The following ANO2 variants were observed in gnomAD, a reference collection of about 807,000 sequenced individuals.
ANO2 encodes the protein anoctamin 2.
In ANO2, 101 loss-of-function variants were observed where a neutral mutation model predicts 124.2. That is an observed-to-expected ratio of 0.81 (90% CI 0.69 to 0.96). The LOEUF is 0.96. ANO2 is among the 40% of genes least tolerant of loss of function. The pLI is 0.00. For synonymous variants in ANO2, 486 were observed against 482.5 expected, an observed-to-expected ratio of 1.01 and a Z score of -0.09; for missense variants, 1,293 against 1,274.5, an observed-to-expected ratio of 1.01 and a Z score of -0.22.
At chr12:5,726,312 T>A (rs1303924510) in intron 14 of ANO2, among the ~76,000 whole-genome samples, 1 of 152,186 alleles carries the variant, frequency 6.6e-6, no homozygotes, top group Non-Finnish European at 1.5e-5. Flanking sequence ...AAATAGAACA[T>A]CACCCCACTA....
intron 10 of ANO2, among the ~76,000 whole-genome samples, chr12:5,763,360 G>T (rs1951792820): frequency 6.6e-6 from 1 of 151,982 alleles, no homozygotes; most frequent in Non-Finnish European, 1.5e-5. Flanking sequence ...AATGCTATTA[G>T]TCATAATTTT....
chr12:5,775,202 T>A (rs1037441230), intron 10 of ANO2, among the ~76,000 whole-genome samples: 14 of 152,212 alleles, frequency 9.2e-5, no homozygotes, highest in African/African-American at 3.1e-4. Context: ...TTCTTTCCAC[T>A]GCTAATTTCA....
Position 5,912,800 on chromosome 12 carries a change from A to G in ANO2, c.534+8240T>C, listed in dbSNP as rs115909504. 7.6e-3 allele frequency among the ~76,000 whole-genome samples: 1,154 copies of G among 152,342 alleles called. 14 individuals are homozygous for G. Among genetic ancestry groups the G allele is most frequent in the African/African-American group, 0.026 (1,091 of 41,568 alleles). On this transcript the variant is annotated intron_variant, in intron 3 of 24. Coordinates refer to ENST00000682330, the MANE Select transcript of ANO2 (RefSeq NM_001364791.2). The stretch of plus-strand genomic sequence containing the variant: ...ACAAGCAGGACAGGAACACAGCCAA[A>G]GCCAGAGGGAAATCATCGCATCTTC...
At chr12:5,836,596 T>A (rs1223660142) in intron 4 of ANO2, among the ~76,000 whole-genome samples, 3 of 152,088 alleles carry the variant, frequency 2.0e-5, no homozygotes, top group African/African-American at 7.2e-5. Context: ...AGACCAAAAC[T>A]CTTAACACAT....
chr12:5,669,030 C>T (rs183953909), intron 14 of ANO2, among the ~76,000 whole-genome samples: 15,321 of 151,482 alleles, frequency 0.1, 1,016 homozygotes, highest in African/African-American at 0.18. Context: ...GTTATACAAG[C>T]TCTTTTTTTA....
chr12:5,795,139 C>T (rs11610212), intron 10 of ANO2, among the ~76,000 whole-genome samples: 5,409 of 152,320 alleles, frequency 0.036, 113 homozygotes, highest in African/African-American at 0.048. Context: ...TGACCTGTGC[C>T]TTGCAGTAGG....
intron 14 of ANO2, among the ~76,000 whole-genome samples, chr12:5,691,062 GC>G (rs1462246602): frequency 6.6e-6 from 1 of 152,126 alleles, no homozygotes; most frequent in Non-Finnish European, 1.5e-5. Flanking sequence ...AGGTGCGGTG[GC>G]TCACGCCTGT....
chr12:5,727,292 T>C (rs935732020), intron 14 of ANO2, among the ~76,000 whole-genome samples: 4 of 152,084 alleles, frequency 2.6e-5, no homozygotes, highest in Non-Finnish European at 5.9e-5. Flanking sequence ...GCTTTCAGTA[T>C]GTGACGTGCC....
chr12:5,806,028 G>A (rs1166490617), intron 9 of ANO2, 24 bp downstream of exon 9: 1 of 1,612,484 alleles, frequency 6.2e-7, no homozygotes, highest in Non-Finnish European at 8.5e-7. Context: ...CCAAAGTCCA[G>A]GATGCTGCAC....
At chr12:5,938,092 T>G (rs1283941165) in intron 1 of ANO2, among the ~76,000 whole-genome samples, 1 of 152,218 alleles carries the variant, frequency 6.6e-6, no homozygotes, top group Non-Finnish European at 1.5e-5. Flanking sequence ...AGCCTCACTC[T>G]TAGCCAAGGA....
chr12:5,883,239 C>G (rs543588985), intron 3 of ANO2, among the ~76,000 whole-genome samples: 2 of 152,300 alleles, frequency 1.3e-5, no homozygotes, highest in East Asian at 3.9e-4. Flanking sequence ...AGCATACACC[C>G]CCTCCATTAG....
intron 14 of ANO2, among the ~76,000 whole-genome samples, chr12:5,701,674 T>G (rs150137770): frequency 1.1e-3 from 163 of 152,334 alleles, no homozygotes; most frequent in African/African-American, 3.4e-3. Context: ...GTGACTGATC[T>G]CTCCAGCTTT....
intron 14 of ANO2, among the ~76,000 whole-genome samples, chr12:5,681,213 C>T (rs1325403321): frequency 2.6e-5 from 4 of 152,128 alleles, no homozygotes; most frequent in Non-Finnish European, 5.9e-5. Context: ...AAGTCTGGGC[C>T]GAAAACAGCT....
intron 19 of ANO2, among the ~76,000 whole-genome samples, chr12:5,605,297 C>A (rs577288771): frequency 2.6e-5 from 4 of 152,272 alleles, no homozygotes; most frequent in African/African-American, 9.6e-5. Context: ...ACCTCCCTCC[C>A]GTGTTGGCTT....
At chr12:5,723,147 C>T (rs931405788) in intron 14 of ANO2, among the ~76,000 whole-genome samples, 4 of 152,100 alleles carry the variant, frequency 2.6e-5, no homozygotes, top group Non-Finnish European at 4.4e-5. Context: ...AGCAATTCTC[C>T]GGAGGTGGTA....
Position 5,584,139 on chromosome 12 carries a change from C to CCG in ANO2, c.2234-5622_2234-5621insCG, listed in dbSNP as rs1555088599. 269 of 162,058 alleles carry CCG rather than the reference C, an allele frequency of 1.7e-3. 1 individual carries two copies. Among genetic ancestry groups the CCG allele is most frequent in the Middle Eastern group, 5.2e-3 (4 of 766 alleles). The allele number at this position is 162,058 out of a possible 1,614,324, so 10.0% of individuals were successfully genotyped here. On this transcript the variant is annotated intron_variant, in intron 20 of 24. Transcript: ENST00000682330. Reference sequence around the variant, plus strand: ...TCCTTAATTTAATGAACACCCCCCCCCCGCCGCAAGAATATTAATGTTGAT... The same window carrying CCG: ...TCCTTAATTTAATGAACACCCCCCCCCGCCGCCGCAAGAATATTAATGTTGAT...
intron 1 of ANO2, among the ~76,000 whole-genome samples, chr12:5,923,756 G>T (rs1039023321): frequency 1.3e-5 from 2 of 152,174 alleles, no homozygotes; most frequent in African/African-American, 4.8e-5. Context: ...TAGTCCAGCT[G>T]CACTTTGTAC....
At chr12:5,605,266 C>T (rs1944161641) in intron 19 of ANO2, among the ~76,000 whole-genome samples, 1 of 152,168 alleles carries the variant, frequency 6.6e-6, no homozygotes, top group Non-Finnish European at 1.5e-5. Context: ...CCAGATTCCA[C>T]TGTATTTGAG....
chr12:5,707,552 G>A (rs1343847358), intron 14 of ANO2, among the ~76,000 whole-genome samples: 2 of 152,124 alleles, frequency 1.3e-5, no homozygotes, highest in Non-Finnish European at 2.9e-5. Flanking sequence ...CATTTAGAAA[G>A]CATCAGAAGC....
Sources: allele counts gnomAD v4.1 joint callset (sites outside exome capture counted in the v4.1 genomes callset), GRCh38; gene constraint gnomAD v4.1.1; transcripts MANE v1.5; gene names NCBI Gene and HGNC (gene_info 2026-07-23, HGNC 2026-07-21).